SYNE4: variants seen among roughly 807,000 people sequenced by gnomAD.
The protein encoded by SYNE4 is nesprin-4.
In SYNE4, 41 loss-of-function variants were observed where a neutral mutation model predicts 46.9. That is an observed-to-expected ratio of 0.87 (90% CI 0.68 to 1.13). The LOEUF (loss-of-function observed/expected upper bound fraction) is 1.13. Ranked by LOEUF, SYNE4 falls within the 50% of genes most tolerant of loss-of-function variation. SYNE4 has a pLI of 0.00. For missense variants in SYNE4, 492 were observed against 514.8 expected (o/e 0.96, Z 0.43); for synonymous variants, 221 against 219.5 (o/e 1.01, Z -0.06).
Position 36,003,753 on chromosome 19 carries a change from C to T in SYNE4, c.973-82G>A, listed in dbSNP as rs368933746. The T allele has an allele frequency of 1.9e-4, 290 of 1,536,806 alleles. 2 individuals are homozygous for T. The African/African-American group carries it at 3.2e-3, about 17-fold the overall frequency. ...ATTTATTTTGAGACGGAGTCTCACTCTTGGCACCCACGCTGGACTGCAATG... is the reference window on the plus strand; with the variant it reads ...ATTTATTTTGAGACGGAGTCTCACTTTTGGCACCCACGCTGGACTGCAATG... On this transcript the variant is annotated intron_variant, in intron 6 of 7. Coordinates refer to ENST00000324444, the MANE Select transcript of SYNE4 (RefSeq NM_001039876.3).
intron 6 of SYNE4, among the ~76,000 whole-genome samples, chr19:36,004,303 G>T (rs1233055893): frequency 6.6e-6 from 1 of 152,206 alleles, no homozygotes; most frequent in Non-Finnish European, 1.5e-5. Flanking sequence ...GATCACAGGC[G>T]TGAACCACGG....
chr19:36,003,555 G>A, intron 7 of SYNE4, 35 bp from the exon 8 acceptor site: 1 of 1,601,238 alleles, frequency 6.2e-7, no homozygotes, highest in Non-Finnish European at 8.5e-7. Flanking sequence ...ACATACAGGT[G>A]GGCTGCTGCT....
intron 2 of SYNE4, 138 bp from the exon 3 acceptor site, chr19:36,007,406 T>C (rs1445552429): frequency 7.0e-7 from 1 of 1,427,154 alleles, no homozygotes; most frequent in Non-Finnish European, 9.2e-7. Context: ...TGCACCAGGA[T>C]GGCTCCCACT....
In SYNE4 at chr19:36,006,604, G is replaced by A. The variant is rs781687396; in HGVS notation, c.686C>T (p.Pro229Leu). The A allele has an allele frequency of 3.1e-6, 5 of 1,609,818 alleles. No individual in the cohort carries two copies. In the East Asian group the frequency reaches 1.1e-4, roughly 36 times the overall value. ...EVEGDSDWPG[P>L]GGVWGPWAPS... ...TGCCCAGGGCCCCCAGACCCCACCA[G>A]GTCCTGGCCAGTCCGAGTCTCCCTC... is the stretch of plus-strand genomic sequence containing the variant. The change falls in exon 5 of 8, where the codon CCT becomes CTT. Residue 229 changes from proline (P) to leucine (L), a missense_variant. By Grantham distance (98) the Pro-to-Leu change is moderately conservative. Coordinates refer to ENST00000324444, the MANE Select transcript of SYNE4 (RefSeq NM_001039876.3).
At position 36,004,621 on chromosome 19, in the gene SYNE4, G is replaced by T. The variant is rs377195980; in HGVS notation, c.972+712C>A. 6.6e-5 allele frequency among the ~76,000 whole-genome samples: 10 copies of T among 152,300 alleles called. No individual in the cohort carries two copies. In the East Asian group the frequency reaches 1.7e-3, roughly 27 times the overall value. ...CCATGATTGGTGTGACCCAGACCTG[G>T]CCAATCTGAGCACTCTGGTTTATTC... is the stretch of plus-strand genomic sequence containing the variant. On this transcript the variant is annotated intron_variant, in intron 6 of 7. Coordinates refer to ENST00000324444, the MANE Select transcript of SYNE4 (RefSeq NM_001039876.3).
chr19:36,003,516 G>C lies in SYNE4; in HGVS notation c.1036C>G (p.Pro346Ala). 1.3e-6 allele frequency: 2 copies of C among 1,598,842 alleles called. No individual in the cohort carries two copies. Among genetic ancestry groups the C allele is most frequent in the Non-Finnish European group, 1.7e-6 (2 of 1,172,344 alleles). The change falls in exon 8 of 8, where the codon CCC becomes GCC. Residue 346 changes from proline to alanine, a missense_variant. Pro to Ala is a conservative substitution (Grantham distance 27). Transcript: ENST00000324444. The part of the protein sequence containing the change: ...DVRLEGNPGA[P>A]DPASRQPLTF... ...AGAGGCTGCCTGGATGCAGGATCGG[G>C]GGCCCTGTGAAGGGAAATGCAGTGT...
rs752136367 is a variant in SYNE4 at position 36,003,609 on chromosome 19, T to G, written c.1031+4A>C. ...ACCCTAGTCCCATCTCTCAGGCACCTCACCCTGGATTCCCCTCCAGCCTCA... is the reference window on the plus strand; with the variant it reads ...ACCCTAGTCCCATCTCTCAGGCACCGCACCCTGGATTCCCCTCCAGCCTCA... On this transcript the variant is annotated splice_donor_region_variant and intron_variant, in intron 7 of 7. Coordinates refer to ENST00000324444, the MANE Select transcript of SYNE4 (RefSeq NM_001039876.3). 1 of 1,612,686 alleles carries G rather than the reference T, an allele frequency of 6.2e-7. No individual in the cohort carries two copies. The highest frequency in any genetic ancestry group is 2.2e-5 in the East Asian group (1 of 44,862).
intron 6 of SYNE4, among the ~76,000 whole-genome samples, chr19:36,004,295 T>A (rs1284203489): frequency 6.6e-6 from 1 of 152,200 alleles, no homozygotes; most frequent in African/African-American, 2.4e-5. Context: ...AGTGTTGGGA[T>A]CACAGGCGTG....
rs763531397 is a variant in SYNE4, at chr19:36,003,323, A to T, written c.*14T>A. 2.5e-6 allele frequency: 4 copies of T among 1,613,846 alleles called. No homozygotes were observed. In the Admixed American group the frequency reaches 6.7e-5, roughly 27 times the overall value. On this transcript the variant is annotated 3_prime_UTR_variant, in exon 8 of 8. Coordinates refer to ENST00000324444, the MANE Select transcript of SYNE4 (RefSeq NM_001039876.3). ...CTTCACACATCCTTTGACAGTGACC[A>T]TTTATTACACACATCAGACTGGGGG...
chr19:36,007,896 G>A (rs1968427391), intron 2 of SYNE4, among the ~76,000 whole-genome samples: 1 of 151,858 alleles, frequency 6.6e-6, no homozygotes, highest in Non-Finnish European at 1.5e-5. Context: ...ATGGTGGCAT[G>A]TGCCTGTAAT....
Position 36,003,410 on chromosome 19 carries a change from C to A in SYNE4, c.1142G>T (p.Cys381Phe), listed in dbSNP as rs1480661789. Residue 381 changes from cysteine (C) to phenylalanine (F), a missense_variant, in exon 8 of 8, where the codon TGC becomes TTC. Physicochemically the swap from Cys to Phe is radical, Grantham distance 205. Coordinates refer to ENST00000324444, the MANE Select transcript of SYNE4 (RefSeq NM_001039876.3). Reference sequence around the variant, plus strand: ...CCTGGGTATTCGGGCATGAGAGCAGCAGGGGCCTCCTGACGCGGGCAGGAG... The same window carrying A: ...CCTGGGTATTCGGGCATGAGAGCAGAAGGGGCCTCCTGACGCGGGCAGGAG... ...MFLLPASGGP[C>F]CSHARIPRTP... 2 of 1,614,026 alleles carry A rather than the reference C, an allele frequency of 1.2e-6. No individual in the cohort carries two copies. Among genetic ancestry groups the A allele is most frequent in the African/African-American group, 1.3e-5 (1 of 75,016 alleles).
At chr19:36,006,363 G>T in intron 5 of SYNE4, 60 bp downstream of exon 5, 1 of 1,522,996 alleles carries the variant, frequency 6.6e-7, no homozygotes, top group Non-Finnish European at 8.8e-7. Flanking sequence ...TTGCTAGAAG[G>T]TGCGCAGAGA....
intron 6 of SYNE4, 149 bp downstream of exon 6, chr19:36,005,184 T>C (rs1414790569): frequency 2.5e-6 from 2 of 805,644 alleles, no homozygotes; most frequent in Non-Finnish European, 3.8e-6. Flanking sequence ...TGGTATTACT[T>C]CAGGCTCTGA....
At chr19:36,005,612 TTC>T in intron 5 of SYNE4, 175 bp from the exon 6 acceptor site, 5 of 618,682 alleles carry the variant, frequency 8.1e-6, no homozygotes, top group Non-Finnish European at 1.4e-5. Context: ...TGTAATGAGT[TTC>T]TGTTACAAGC....
rs768802857 is a variant in SYNE4 at position 36,008,728 on chromosome 19, A to G, written c.-47T>C. ...AAGTCAGGTGAGGGCAGCCAGTAAG[A>G]CCTCTTCCCTAGACAAGGGTGTCCC... is the stretch of plus-strand genomic sequence containing the variant. On this transcript the variant is annotated 5_prime_UTR_variant, in exon 1 of 8. Coordinates refer to ENST00000324444, the MANE Select transcript of SYNE4 (RefSeq NM_001039876.3). The G allele has an allele frequency of 1.9e-6, 3 of 1,560,312 alleles. No individual in the cohort carries two copies. The highest frequency in any genetic ancestry group is 1.8e-4 in the Middle Eastern group (1 of 5,702).
rs1425924505 is a variant in SYNE4 at position 36,006,822 on chromosome 19, G to A, written c.546C>T (p.Ala182=). The change falls in exon 4 of 8, where the codon GCC becomes GCT. Residue 182 remains alanine (A), a synonymous_variant. Coordinates refer to ENST00000324444, the MANE Select transcript of SYNE4 (RefSeq NM_001039876.3). ...AGATGGAGTCTCGGTAAGCTCCCAG[G>A]GCCCGCAGGATCTGCTCCAGGGCTG... ...AWAALEQILR[A]LGAYRDSIFR... 1 of 1,605,242 alleles carries A rather than the reference G, an allele frequency of 6.2e-7. No homozygotes were observed. Among genetic ancestry groups the A allele is most frequent in the Non-Finnish European group, 8.5e-7 (1 of 1,176,894 alleles).
intron 5 of SYNE4, 33 bp from the exon 6 acceptor site, chr19:36,005,470 G>C: frequency 6.2e-7 from 1 of 1,604,658 alleles, no homozygotes; most frequent in East Asian, 2.2e-5. Flanking sequence ...AAACGTGGTT[G>C]GGGGAGGGCC....
In SYNE4 at chr19:36,006,458, G is replaced by A. The variant is rs757248672; in HGVS notation, c.832C>T (p.Gln278Ter). 28 of 1,612,190 alleles carry A rather than the reference G, an allele frequency of 1.7e-5. No homozygotes were observed. The highest frequency in any genetic ancestry group is 4.0e-5 in the African/African-American group (3 of 74,852). Residue 278 changes from glutamine (Q) to a stop codon, truncating the protein, a stop_gained, in exon 5 of 8, where the codon CAG becomes TAG. Coordinates refer to ENST00000324444, the MANE Select transcript of SYNE4 (RefSeq NM_001039876.3). LOFTEE classifies it high-confidence loss of function. ...TGTCCCCTGCCCTGGGGCCCCCTCT[G>A]GCCACACAGCTCACAGGGCACTCCT... is the stretch of plus-strand genomic sequence containing the variant. ...TLGVPCELCGQRGPQGRGQGL... is the reference protein window; with the variant it reads ...TLGVPCELCG
intron 1 of SYNE4, 43 bp downstream of exon 1, chr19:36,008,511 G>A (rs1182090016): frequency 3.7e-6 from 6 of 1,611,914 alleles, no homozygotes; most frequent in Non-Finnish European, 4.2e-6. Flanking sequence ...CTGCCACCAC[G>A]CCTACCCTTT....
Sources: gnomAD v4.1 joint callset for allele counts (sites outside exome capture counted in the v4.1 genomes callset) on GRCh38, gnomAD v4.1.1 for gene constraint, MANE v1.5 for transcripts, NCBI Gene and HGNC (gene_info 2026-07-23, HGNC 2026-07-21) for gene names.